The following GTF2H1 variants were observed in gnomAD, a reference collection of about 807,000 sequenced individuals.
GTF2H1 encodes the protein BTF2 p62.
In GTF2H1, 16 loss-of-function variants were observed where a neutral mutation model predicts 71.2. The ratio of observed to expected loss-of-function variants is 0.22; its 90% CI spans 0.15 to 0.34. The LOEUF (loss-of-function observed/expected upper bound fraction) is 0.34. Among genes scored for constraint, GTF2H1 ranks in the 10% least tolerant of loss-of-function variants. GTF2H1 has a pLI of 1.00. For missense variants in GTF2H1, 498 were observed against 648.2 expected (o/e 0.77, Z 2.52); for synonymous variants, 215 against 219.0 (o/e 0.98, Z 0.16).
intron 11 of GTF2H1, among the ~76,000 whole-genome samples, chr11:18,353,054 G>A (rs1046431191): frequency 9.2e-5 from 14 of 152,086 alleles, no homozygotes; most frequent in South Asian, 6.2e-4. Context: ...GGTGAAACCC[G>A]TCTGTACTAA....
At chr11:18,341,758 A>G (rs1027429428) in intron 7 of GTF2H1, 151 bp downstream of exon 7, 2 of 539,866 alleles carry the variant, frequency 3.7e-6, no homozygotes, top group Admixed American at 7.4e-5. Flanking sequence ...GCTTTGAAAT[A>G]GCGTTGTTTG....
chr11:18,327,074 A>C (rs1428080765), intron 1 of GTF2H1, among the ~76,000 whole-genome samples: 2 of 152,204 alleles, frequency 1.3e-5, no homozygotes, highest in African/African-American at 4.8e-5. Flanking sequence ...TGGCAGAAGA[A>C]TTGCATAGTT....
At chr11:18,365,725 G>A in intron 14 of GTF2H1, 58 bp from the exon 15 acceptor site, 1 of 1,178,884 alleles carries the variant, frequency 8.5e-7, no homozygotes, top group Non-Finnish European at 1.3e-6. Flanking sequence ...ATTTGGGTTG[G>A]AAGGATTAAC....
At chr11:18,361,613 G>A (rs1186945324) in intron 14 of GTF2H1, among the ~76,000 whole-genome samples, 1 of 152,218 alleles carries the variant, frequency 6.6e-6, no homozygotes, top group East Asian at 1.9e-4. Flanking sequence ...GGGTTGCGGT[G>A]AGCCGAGGTC....
intron 14 of GTF2H1, among the ~76,000 whole-genome samples, chr11:18,363,060 A>G (rs1168140714): frequency 6.6e-6 from 1 of 152,076 alleles, no homozygotes; most frequent in Admixed American, 6.6e-5. Flanking sequence ...ACACAGAGTC[A>G]GGATCATCAC....
intron 7 of GTF2H1, among the ~76,000 whole-genome samples, chr11:18,342,138 C>A (rs1344141510): frequency 6.6e-6 from 1 of 151,678 alleles, no homozygotes; most frequent in Non-Finnish European, 1.5e-5. Context: ...CTGTTGTGAT[C>A]AAGGATAATT....
chr11:18,346,580 AAATAT>A (rs1408380217), intron 7 of GTF2H1, among the ~76,000 whole-genome samples: 1 of 152,112 alleles, frequency 6.6e-6, no homozygotes, highest in African/African-American at 2.4e-5. Context: ...ACATGTTTTA[AAATAT>A]AATCTCATTT....
chr11:18,346,849 CCTCA>C (rs1185067883), intron 7 of GTF2H1, among the ~76,000 whole-genome samples: 1 of 145,526 alleles, frequency 6.9e-6, no homozygotes, highest in Non-Finnish European at 1.5e-5. Flanking sequence ...GATTCTCCTG[CCTCA>C]CTCAGCCTCC....
intron 2 of GTF2H1, among the ~76,000 whole-genome samples, chr11:18,333,957 A>G (rs1864962493): frequency 6.6e-6 from 1 of 152,208 alleles, no homozygotes; most frequent in African/African-American, 2.4e-5. Context: ...AATTTCAGGC[A>G]TGGGCTAGGT....
chr11:18,335,633 A>G (rs4150579), intron 2 of GTF2H1, 121 bp from the exon 3 acceptor site: 447,670 of 663,828 alleles, frequency 0.67, 154,936 homozygotes, highest in East Asian at 0.96. Flanking sequence ...AAGCATCAGT[A>G]TTGGAATAGG....
chr11:18,353,621 C>T (rs1470363059), intron 11 of GTF2H1, among the ~76,000 whole-genome samples: 2 of 152,194 alleles, frequency 1.3e-5, no homozygotes, highest in African/African-American at 2.4e-5. Context: ...TTAACTAGTG[C>T]AAAGAAGAAT....
chr11:18,339,476 T>A, intron 4 of GTF2H1, 88 bp from the exon 5 acceptor site: 1 of 831,006 alleles, frequency 1.2e-6, no homozygotes, highest in Non-Finnish European at 2.0e-6. Flanking sequence ...CAGAAATTTT[T>A]TTTTCCACCT....
At chr11:18,345,947 C>T (rs540301966) in intron 7 of GTF2H1, among the ~76,000 whole-genome samples, 3 of 152,038 alleles carry the variant, frequency 2.0e-5, no homozygotes, top group Non-Finnish European at 2.9e-5. Flanking sequence ...TCCGCCACCT[C>T]GCCCGGCTAA....
At chr11:18,334,772 C>T (rs573626855) in intron 2 of GTF2H1, among the ~76,000 whole-genome samples, 3 of 152,278 alleles carry the variant, frequency 2.0e-5, no homozygotes, top group Non-Finnish European at 2.9e-5. Flanking sequence ...TGAAAACCTA[C>T]GTAATATGCC....
chr11:18,331,990 A>G (rs1402939129), intron 1 of GTF2H1, among the ~76,000 whole-genome samples: 1 of 151,980 alleles, frequency 6.6e-6, no homozygotes, highest in East Asian at 1.9e-4. Context: ...CTCCCAAAGT[A>G]ATTAGACCTA....
chr11:18,359,825 C>T (rs1865654136), intron 13 of GTF2H1, among the ~76,000 whole-genome samples: 1 of 151,502 alleles, frequency 6.6e-6, no homozygotes, highest in South Asian at 2.1e-4. Context: ...ATTCTCCCAC[C>T]TCAGCCTCTC....
At chr11:18,349,018 C>T (rs996947677) in intron 9 of GTF2H1, among the ~76,000 whole-genome samples, 9 of 152,154 alleles carry the variant, frequency 5.9e-5, no homozygotes, top group South Asian at 4.1e-4. Flanking sequence ...CCTCAGCCTC[C>T]GGAGTAGCTG....
At chr11:18,354,378 A>T (rs1223135517) in intron 11 of GTF2H1, among the ~76,000 whole-genome samples, 5 of 152,204 alleles carry the variant, frequency 3.3e-5, no homozygotes, top group Non-Finnish European at 7.3e-5. Flanking sequence ...GTGGAGCTGT[A>T]CTTTGAGACT....
At chr11:18,330,143 A>G (rs187448462) in intron 1 of GTF2H1, among the ~76,000 whole-genome samples, 34 of 152,324 alleles carry the variant, frequency 2.2e-4, no homozygotes, top group Admixed American at 1.8e-3. Context: ...TGTTAATTAT[A>G]TCTTAGTTTT....
Sources: allele counts gnomAD v4.1 joint callset (sites outside exome capture counted in the v4.1 genomes callset), GRCh38; gene constraint gnomAD v4.1.1; transcripts MANE v1.5; gene names NCBI Gene and HGNC (gene_info 2026-07-23, HGNC 2026-07-21).